Variants in PPP6R2 observed in about 807,000 individuals in gnomAD.
PPP6R2 encodes the protein protein phosphatase 6 regulatory subunit 2.
In PPP6R2, 62 loss-of-function variants were observed where a neutral mutation model predicts 100.2. That is an observed-to-expected ratio of 0.62 (90% CI 0.50 to 0.76). The LOEUF is 0.76. PPP6R2 is among the 30% of genes least tolerant of loss of function. The probability of loss-of-function intolerance (pLI) is 0.00; values close to 1 mark genes in which losing one functional copy is unlikely to be tolerated. For synonymous variants in PPP6R2, 525 were observed against 514.7 expected, an observed-to-expected ratio of 1.02 and a Z score of -0.27; for missense variants, 1,142 against 1,276.3, an observed-to-expected ratio of 0.89 and a Z score of 1.60.
At chr22:50,355,857 A>G (rs529075063) in intron 1 of PPP6R2, among the ~76,000 whole-genome samples, 8 of 151,078 alleles carry the variant, frequency 5.3e-5, no homozygotes, top group Admixed American at 2.0e-4. Flanking sequence ...AAAAAACCAA[A>G]AAAAAAGCTT....
intron 2 of PPP6R2, among the ~76,000 whole-genome samples, chr22:50,373,601 G>A (rs565914696): frequency 6.6e-6 from 1 of 152,062 alleles, no homozygotes; most frequent in South Asian, 2.1e-4. Context: ...ACCCAGGCTG[G>A]AGTGCAGTGG....
At chr22:50,355,081 G>A (rs1321682356) in intron 1 of PPP6R2, among the ~76,000 whole-genome samples, 1 of 151,662 alleles carries the variant, frequency 6.6e-6, no homozygotes, top group Non-Finnish European at 1.5e-5. Context: ...GGACTTAAGC[G>A]ATCCTCCCAC....
At position 50,435,042 on chromosome 22, in the gene PPP6R2, C is replaced by CG; in HGVS notation, c.1481dup (p.Val496CysfsTer50). 6.3e-7 allele frequency: 1 copy of CG among 1,596,928 alleles called. No homozygotes were observed. The highest frequency in any genetic ancestry group is 8.5e-7 in the Non-Finnish European group (1 of 1,170,998). Reference sequence around the variant, plus strand: ...CAACGCGGTGGTGCAGAACCTGGAGCGGGGCCCTGTGCAGACGCACATCAG... The same window carrying CG: ...CAACGCGGTGGTGCAGAACCTGGAGCGGGGGCCCTGTGCAGACGCACATCAG... On this transcript the variant is annotated frameshift_variant, in exon 13 of 24. Coordinates refer to ENST00000612753, the MANE Select transcript of PPP6R2 (RefSeq NM_001242898.2). LOFTEE classifies it high-confidence loss of function.
At chr22:50,334,063 A>G in the PPP6R2 span, among the ~76,000 whole-genome samples, 1 of 152,260 alleles carries the variant, frequency 6.6e-6, no homozygotes. Flanking sequence ...TGCTACTGCT[A>G]TCTAGAAGGC....
intron 10 of PPP6R2, among the ~76,000 whole-genome samples, chr22:50,427,936 G>A (rs543348048): frequency 3.3e-5 from 5 of 152,178 alleles, no homozygotes; most frequent in Non-Finnish European, 7.3e-5. Context: ...TAGCCAGGAC[G>A]GTCTCGATCT....
At chr22:50,352,764 A>G (rs1053273909) in intron 1 of PPP6R2, among the ~76,000 whole-genome samples, 3 of 151,670 alleles carry the variant, frequency 2.0e-5, no homozygotes, top group Non-Finnish European at 4.4e-5. Flanking sequence ...ACACAAAACA[A>G]CAACAACGTA....
chr22:50,435,417 T>C (rs766875398), intron 13 of PPP6R2, among the ~76,000 whole-genome samples: 1 of 152,230 alleles, frequency 6.6e-6, no homozygotes, highest in African/African-American at 2.4e-5. Flanking sequence ...CAGGGAGCCC[T>C]GCCTGGCTAG....
chr22:50,440,443 G>C (rs1265604308), intron 21 of PPP6R2, among the ~76,000 whole-genome samples: 1 of 150,432 alleles, frequency 6.6e-6, no homozygotes, highest in Non-Finnish European at 1.5e-5. Flanking sequence ...AGCTCCCCCA[G>C]ATAAGGCTGA....
chr22:50,394,286 A>T (rs909972212), intron 3 of PPP6R2, 151 bp downstream of exon 3: 25 of 1,241,906 alleles, frequency 2.0e-5, no homozygotes, highest in African/African-American at 6.0e-5. Context: ...GGGCACTCCC[A>T]TGGGGTCTGA....
At chr22:50,420,593 T>C (rs1293893971) in intron 8 of PPP6R2, among the ~76,000 whole-genome samples, 1 of 152,176 alleles carries the variant, frequency 6.6e-6, no homozygotes, top group African/African-American at 2.4e-5. Context: ...CCTCAAGTCA[T>C]AGAAGGCTGG....
At chr22:50,404,405 T>A (rs2058520313) in intron 3 of PPP6R2, among the ~76,000 whole-genome samples, 1 of 148,180 alleles carries the variant, frequency 6.7e-6, no homozygotes, top group Non-Finnish European at 1.5e-5. Flanking sequence ...TATATTCTTT[T>A]TTTAAGTCAG....
At chr22:50,340,574 G>C (rs1234502520), upstream of PPP6R2, among the ~76,000 whole-genome samples, 1 of 137,812 alleles carries the variant, frequency 7.3e-6, no homozygotes. Context: ...AGTGTGTGTG[G>C]TATGTGGTGT....
chr22:50,331,316 A>C, the PPP6R2 span, among the ~76,000 whole-genome samples: 10 of 151,726 alleles, frequency 6.6e-5, no homozygotes, highest in Non-Finnish European at 1.0e-4. Flanking sequence ...TTTGGCATAG[A>C]TATGTAGGAG....
chr22:50,437,699 G>A (rs531033548), intron 16 of PPP6R2, 96 bp downstream of exon 16: 113 of 1,408,302 alleles, frequency 8.0e-5, no homozygotes, highest in South Asian at 5.7e-4. Context: ...CGGGAGTGCC[G>A]TCTGATGTCC....
At chr22:50,355,272 C>G (rs1210146891) in intron 1 of PPP6R2, among the ~76,000 whole-genome samples, 2 of 146,178 alleles carry the variant, frequency 1.4e-5, no homozygotes, top group East Asian at 2.0e-4. Flanking sequence ...GAGTCTCGCT[C>G]TGTAGCCTAG....
rs562265296 is a variant in PPP6R2, at chr22:50,439,831, G to A, written c.2259G>A (p.Lys753=). ...TSAPEEKGWA[K]FTDFQPFCCS... is the part of the protein sequence containing the mutation. ...CTCCAGAGGAGAAAGGCTGGGCCAA[G>A]TTCACTGACTTCCAACCTTTCTGCT... The change falls in exon 20 of 24, where the codon AAG becomes AAA. Residue 753 remains lysine (K), a synonymous_variant. Transcript: ENST00000612753. 1.7e-5 allele frequency: 27 copies of A among 1,613,682 alleles called. No individual in the cohort carries two copies. In the East Asian group the frequency reaches 5.8e-4, roughly 35 times the overall value.
intron 3 of PPP6R2, among the ~76,000 whole-genome samples, chr22:50,398,808 C>A (rs1436071953): frequency 6.6e-6 from 1 of 152,228 alleles, no homozygotes; most frequent in East Asian, 1.9e-4. Flanking sequence ...TTACAGAAGA[C>A]ACTTTTTTTG....
In PPP6R2 at chr22:50,382,963, G is replaced by A. The variant is rs538369718; in HGVS notation, c.-17+10813G>A. ...AGCGATTCTCCTGCCTCAGTCTCCCGAGTAGCTGTGATTACAGGGATATGC... is the reference window on the plus strand; with the variant it reads ...AGCGATTCTCCTGCCTCAGTCTCCCAAGTAGCTGTGATTACAGGGATATGC... On this transcript the variant is annotated intron_variant, in intron 2 of 23. Transcript: ENST00000612753. 3.4e-3 allele frequency among the ~76,000 whole-genome samples: 509 copies of A among 151,466 alleles called. 3 individuals are homozygous for A. Among genetic ancestry groups the A allele is most frequent in the Non-Finnish European group, 4.0e-3 (271 of 67,922 alleles).
Position 50,403,980 on chromosome 22 carries a change from A to G in PPP6R2, c.228-2709A>G, listed in dbSNP as rs542968620. 1.3e-4 allele frequency among the ~76,000 whole-genome samples: 20 copies of G among 152,036 alleles called. 1 individual carries two copies. The South Asian group carries it at 4.0e-3, about 30-fold the overall frequency. ...GGTCCAGTGCTAGGGCTGCCTCTCT[A>G]CCTGGCGGTGGCCACATGTTGGCAA... On this transcript the variant is annotated intron_variant, in intron 3 of 23. Coordinates refer to ENST00000612753, the MANE Select transcript of PPP6R2 (RefSeq NM_001242898.2).
Sources: allele counts gnomAD v4.1 joint callset (sites outside exome capture counted in the v4.1 genomes callset), GRCh38; gene constraint gnomAD v4.1.1; transcripts MANE v1.5; gene names NCBI Gene and HGNC (gene_info 2026-07-23, HGNC 2026-07-21).